The following NKIRAS2 variants were observed in gnomAD, a reference collection of about 807,000 sequenced individuals.
NKIRAS2 encodes the protein NFKB inhibitor interacting Ras like 2.
A neutral mutation model predicts 20.7 loss-of-function variants in NKIRAS2; 15 were observed. The ratio of observed to expected loss-of-function variants is 0.73; its 90% confidence interval spans 0.49 to 1.12. The LOEUF is 1.12. Among genes scored for constraint, NKIRAS2 ranks in the 50% most tolerant of loss-of-function variants. The pLI, the probability that NKIRAS2 is intolerant of heterozygous loss-of-function variation, is 0.00. For synonymous variants in NKIRAS2, 116 were observed against 101.4 expected (o/e 1.14, Z -0.87); for missense variants, 196 against 249.6 (o/e 0.79, Z 1.45).
At chr17:42,021,107 TC>T (rs1198703048) in intron 1 of NKIRAS2, 1 of 164,644 alleles carries the variant, frequency 6.1e-6, no homozygotes, top group Non-Finnish European at 1.3e-5. Flanking sequence ...AAAACACTGT[TC>T]CTGCTTAATT....
In NKIRAS2 at chr17:42,024,104, A is replaced by C. The variant is rs2052522504; in HGVS notation, c.*211A>C. On this transcript the variant is annotated 3_prime_UTR_variant, in exon 4 of 4. Coordinates refer to ENST00000393885, the MANE Select transcript of NKIRAS2 (RefSeq NM_017595.6). ...TCCCCTTCCTCAGCCCTCCCAGCCT[A>C]CTCCCCATCCCAGCTTTTAGAGGAT... The C allele has an allele frequency of 1.5e-6, 1 of 668,718 alleles. No homozygotes were observed. Among genetic ancestry groups the C allele is most frequent in the African/African-American group, 1.8e-5 (1 of 54,626 alleles). The allele number at this position is 668,718 out of a possible 1,614,324, so 41.4% of individuals were successfully genotyped here. A position where few individuals can be genotyped will look rare whatever the true frequency, so the allele number is the denominator to read the frequency against.
rs1567980350 is a variant in NKIRAS2, at chr17:42,024,183, C to G, written c.*290C>G. On this transcript the variant is annotated 3_prime_UTR_variant, in exon 4 of 4. Transcript: ENST00000393885. Reference sequence around the variant, plus strand: ...GGGTCACTGTCCCTTCCAGCTGCCCCAGACAGGAAGCAGAGTCACCACGCA... The same window carrying G: ...GGGTCACTGTCCCTTCCAGCTGCCCGAGACAGGAAGCAGAGTCACCACGCA... 4.9e-6 allele frequency: 2 copies of G among 406,452 alleles called. No homozygotes were observed. Among genetic ancestry groups the G allele is most frequent in the Non-Finnish European group, 9.1e-6 (2 of 220,074 alleles). 25.2% of individuals were successfully genotyped at this position (406,452 alleles called of 1,614,324 possible).
chr17:42,025,434 C>T lies in NKIRAS2; in HGVS notation c.*1541C>T, dbSNP rs1442197227. 4 of 152,652 alleles carry T rather than the reference C, an allele frequency of 2.6e-5. No homozygotes were observed. In the East Asian group the frequency reaches 5.8e-4, roughly 22 times the overall value. 9.5% of individuals were successfully genotyped at this position (152,652 alleles called of 1,614,324 possible). Reference sequence around the variant, plus strand: ...TAAGCTTATTACCCACAACTGTGCCCGCTTTGTGCTTCTAAGGTGCACACC... The same window carrying T: ...TAAGCTTATTACCCACAACTGTGCCTGCTTTGTGCTTCTAAGGTGCACACC... On this transcript the variant is annotated 3_prime_UTR_variant, in exon 4 of 4. Transcript: ENST00000393885.
upstream of NKIRAS2, among the ~76,000 whole-genome samples, chr17:42,018,841 T>C (rs1438082589): frequency 1.3e-5 from 2 of 152,174 alleles, no homozygotes; most frequent in Non-Finnish European, 2.9e-5. Flanking sequence ...TATCCAACTA[T>C]CTACTGGATA....
intron 1 of NKIRAS2, 134 bp from the exon 2 acceptor site, chr17:42,021,430 C>A: frequency 1.5e-6 from 1 of 685,802 alleles, no homozygotes. Context: ...CAGTTTAGAA[C>A]TCTCAGTTAT....
intron 3 of NKIRAS2, chr17:42,023,025 C>A: frequency 3.3e-6 from 1 of 300,536 alleles, no homozygotes. Flanking sequence ...TTGTTTGAGA[C>A]AGGGTCTCAC....
Position 42,021,656 on chromosome 17 carries a change from G to A in NKIRAS2, c.79G>A (p.Gly27Arg), listed in dbSNP as rs2143438198. 1.2e-6 allele frequency: 2 copies of A among 1,614,060 alleles called. No individual in the cohort carries two copies. Among genetic ancestry groups the A allele is most frequent in the East Asian group, 4.5e-5 (2 of 44,884 alleles). Reference sequence around the variant, plus strand: ...TTCAATCCTGGAGCAGCTTCTGTATGGGAACCATGTAGTGGGTGAGTGTTG... The same window carrying A: ...TTCAATCCTGGAGCAGCTTCTGTATAGGAACCATGTAGTGGGTGAGTGTTG... ...KTSILEQLLY[G>R]NHVVGSEMIE... The change falls in exon 2 of 4, where the codon GGG becomes AGG. Residue 27 changes from glycine to arginine, a missense_variant. By Grantham distance (125) the Gly-to-Arg change is moderately radical. Transcript: ENST00000393885.
At chr17:42,021,534 A>T in intron 1 of NKIRAS2, 30 bp from the exon 2 acceptor site, 2 of 1,579,782 alleles carry the variant, frequency 1.3e-6, no homozygotes, top group Non-Finnish European at 1.7e-6. Flanking sequence ...TTCTTTCCTC[A>T]CCTTACCCAG....
chr17:42,019,084 A>C (rs2052382018), upstream of NKIRAS2, among the ~76,000 whole-genome samples: 1 of 152,054 alleles, frequency 6.6e-6, no homozygotes, highest in South Asian at 2.1e-4. Context: ...CCACCTTTCC[A>C]TCCCGATTCA....
intron 3 of NKIRAS2, chr17:42,022,896 C>T: frequency 2.3e-6 from 1 of 432,020 alleles, no homozygotes; most frequent in Non-Finnish European, 4.3e-6. Context: ...TTGAAGGGGT[C>T]ACTGACCTAA....
rs1002610374 is a variant in NKIRAS2 at position 42,024,969 on chromosome 17, T to C, written c.*1076T>C. On this transcript the variant is annotated 3_prime_UTR_variant, in exon 4 of 4. Coordinates refer to ENST00000393885, the MANE Select transcript of NKIRAS2 (RefSeq NM_017595.6). ...CATCTGTAAGATGACCAGAGTTGCT[T>C]AGATGATCTCCTAGATCCTTTCCAG... 2 of 152,622 alleles carry C rather than the reference T, an allele frequency of 1.3e-5. No individual in the cohort carries two copies. The highest frequency in any genetic ancestry group is 2.4e-5 in the African/African-American group (1 of 41,432). The allele number at this position is 152,622 out of a possible 1,614,324, so 9.5% of individuals were successfully genotyped here.
At chr17:42,022,022 G>A (rs574185963) in intron 2 of NKIRAS2, 16 of 511,344 alleles carry the variant, frequency 3.1e-5, no homozygotes, top group African/African-American at 5.7e-5. Context: ...CCAGCCTAAC[G>A]AACTTGGAGA....
upstream of NKIRAS2, chr17:42,017,674 C>A: frequency 1.7e-6 from 1 of 578,286 alleles, no homozygotes; most frequent in Non-Finnish European, 3.1e-6. Flanking sequence ...GCGGGGTGTA[C>A]CGGTGGTAGC....
In NKIRAS2 at chr17:42,020,184, G is replaced by A. The variant is rs1555652772; in HGVS notation, c.-35G>A. The A allele has an allele frequency of 6.6e-6, 1 of 152,424 alleles. No individual in the cohort carries two copies. 9.4% of individuals were successfully genotyped at this position (152,424 alleles called of 1,614,324 possible). A position where few individuals can be genotyped will look rare whatever the true frequency, so the allele number is the denominator to read the frequency against. ...CCCGCGAGCTCGGAGGGCCCGGCTG[G>A]TGCTGCGGGGGCCCCGGGAGGTACG... On this transcript the variant is annotated 5_prime_UTR_variant, in exon 1 of 4. The change creates a new upstream start codon in the 5' untranslated region. Transcript: ENST00000393885.
chr17:42,023,020 T>C, intron 3 of NKIRAS2: 1 of 294,364 alleles, frequency 3.4e-6, no homozygotes, highest in Non-Finnish European at 6.9e-6. Context: ...TTTGTTTGTT[T>C]GAGACAGGGT....
intron 1 of NKIRAS2, chr17:42,021,117 T>A (rs2052436365): frequency 6.0e-6 from 1 of 166,810 alleles, no homozygotes; most frequent in African/African-American, 2.4e-5. Flanking sequence ...TCCTGCTTAA[T>A]TCTCCATGGG....
In NKIRAS2 at chr17:42,023,951, A is replaced by AGATGTGTTGAGGGC. The variant is rs2052519714; in HGVS notation, c.*59_*72dup. On this transcript the variant is annotated 3_prime_UTR_variant, in exon 4 of 4. Coordinates refer to ENST00000393885, the MANE Select transcript of NKIRAS2 (RefSeq NM_017595.6). ...CCATTTCAGTGTCTGGGGCTCTGGTAGATGTGTTGAGGGCAAAGTAGAGGA... is the reference window on the plus strand; with the variant it reads ...CCATTTCAGTGTCTGGGGCTCTGGTAGATGTGTTGAGGGCGATGTGTTGAGGGCAAAGTAGAGGA... 5.7e-6 allele frequency: 9 copies of AGATGTGTTGAGGGC among 1,588,880 alleles called. No homozygotes were observed. In the Middle Eastern group the frequency reaches 5.1e-4, roughly 89 times the overall value.
intron 2 of NKIRAS2, 94 bp from the exon 3 acceptor site, chr17:42,022,305 C>G: frequency 7.4e-7 from 1 of 1,351,870 alleles, no homozygotes; most frequent in South Asian, 1.4e-5. Context: ...CCCCTACATT[C>G]CTTTCTCCCC....
At chr17:42,021,330 T>A in intron 1 of NKIRAS2, 1 of 474,192 alleles carries the variant, frequency 2.1e-6, no homozygotes, top group South Asian at 2.3e-5. Context: ...TACCATCCAG[T>A]AGTAGACATG....
Sources: allele counts gnomAD v4.1 joint callset (sites outside exome capture counted in the v4.1 genomes callset), GRCh38; gene constraint gnomAD v4.1.1; transcripts MANE v1.5; gene names NCBI Gene and HGNC (gene_info 2026-07-23, HGNC 2026-07-21).